The following SLC12A7 variants were observed in gnomAD, a reference collection of about 807,000 sequenced individuals.
SLC12A7 encodes the protein solute carrier family 12 member 7.
A neutral mutation model predicts 120.6 loss-of-function variants in SLC12A7; 100 were observed. The ratio of observed to expected loss-of-function variants is 0.83; its 90% CI spans 0.71 to 0.98. SLC12A7 has a LOEUF of 0.98. Among genes scored for constraint, SLC12A7 ranks in the 50% least tolerant of loss-of-function variants. SLC12A7 has a pLI of 0.00. For synonymous variants in SLC12A7, 760 were observed against 678.0 expected, an observed-to-expected ratio of 1.12 and a Z score of -1.88; for missense variants, 1,373 against 1,548.1, an observed-to-expected ratio of 0.89 and a Z score of 1.90.
At chr5:1,075,908 C>T in intron 14 of SLC12A7, 1 of 539,894 alleles carries the variant, frequency 1.9e-6, no homozygotes, top group Non-Finnish European at 3.3e-6. Flanking sequence ...TCCTCGTAAC[C>T]AGAGGCCTTC....
chr5:1,074,750 G>A (rs1050438657), intron 15 of SLC12A7, 79 bp from the exon 16 acceptor site: 7 of 1,373,772 alleles, frequency 5.1e-6, no homozygotes, highest in Non-Finnish European at 7.1e-6. Flanking sequence ...GACTTCTGGG[G>A]GCAGGTGAGT....
At chr5:1,065,929 G>A (rs960379401) in intron 17 of SLC12A7, among the ~76,000 whole-genome samples, 32 of 152,240 alleles carry the variant, frequency 2.1e-4, no homozygotes, top group African/African-American at 7.7e-4. Flanking sequence ...ACGGCGGGGG[G>A]CGGGGGTGGG....
At chr5:1,123,871 T>G in the SLC12A7 span, among the ~76,000 whole-genome samples, 2 of 152,222 alleles carry the variant, frequency 1.3e-5, no homozygotes, top group Non-Finnish European at 2.9e-5. Flanking sequence ...GGAAACATGT[T>G]TGAGTAACAG....
At chr5:1,058,260 G>C (rs1051881878) in intron 21 of SLC12A7, among the ~76,000 whole-genome samples, 1 of 152,258 alleles carries the variant, frequency 6.6e-6, no homozygotes, top group Admixed American at 6.5e-5. Flanking sequence ...AAGGGGAAGT[G>C]GCGCCCTCAC....
chr5:1,107,964 G>A lies in SLC12A7; in HGVS notation c.124+3904C>T, dbSNP rs1019190549. ...ACGGATACCCAACACCCAACACCGC[G>A]TGACCCTCTGCTGTGGAGGAAGCCC... On this transcript the variant is annotated intron_variant, in intron 1 of 23. Coordinates refer to ENST00000264930, the MANE Select transcript of SLC12A7 (RefSeq NM_006598.3). 3.7e-4 allele frequency among the ~76,000 whole-genome samples: 57 copies of A among 152,050 alleles called. 1 individual carries two copies. The highest frequency in any genetic ancestry group is 1.3e-3 in the African/African-American group (52 of 41,394).
intron 17 of SLC12A7, among the ~76,000 whole-genome samples, chr5:1,068,191 T>C (rs1039267939): frequency 1.3e-5 from 2 of 152,180 alleles, no homozygotes; most frequent in Non-Finnish European, 2.9e-5. Flanking sequence ...TCCCAGCACT[T>C]TGGGAGGCCG....
intron 13 of SLC12A7, 61 bp from the exon 14 acceptor site, chr5:1,076,297 G>T: frequency 7.2e-7 from 1 of 1,387,698 alleles, no homozygotes; most frequent in Non-Finnish European, 9.9e-7. Context: ...CCCAGTCACT[G>T]CCACCTGGGA....
chr5:1,066,498 G>A (rs1000504894), intron 17 of SLC12A7, among the ~76,000 whole-genome samples: 2 of 152,322 alleles, frequency 1.3e-5, no homozygotes, highest in African/African-American at 4.8e-5. Flanking sequence ...TTTTAGGGCC[G>A]AGAGCTCAAT....
chr5:1,061,978 G>A (rs577913122), intron 20 of SLC12A7, among the ~76,000 whole-genome samples: 1 of 152,280 alleles, frequency 6.6e-6, no homozygotes, highest in Non-Finnish European at 1.5e-5. Context: ...CTGAATGGCA[G>A]CGACCCAGAC....
At chr5:1,068,451 T>G (rs1737287790) in intron 17 of SLC12A7, among the ~76,000 whole-genome samples, 1 of 152,076 alleles carries the variant, frequency 6.6e-6, no homozygotes, top group African/African-American at 2.4e-5. Context: ...AAATAAAAAT[T>G]AAAAAACAAA....
the SLC12A7 span, among the ~76,000 whole-genome samples, chr5:1,153,730 C>T: frequency 7.9e-5 from 12 of 152,230 alleles, no homozygotes; most frequent in African/African-American, 2.2e-4. Context: ...AACCGGCGAC[C>T]TGCAGAATCA....
chr5:1,062,490 C>A (rs1232718220), intron 20 of SLC12A7, among the ~76,000 whole-genome samples: 5 of 152,202 alleles, frequency 3.3e-5, no homozygotes, highest in African/African-American at 1.2e-4. Context: ...AGGCCTGCAG[C>A]CCTCGGCCTA....
chr5:1,112,169 C>T, upstream of SLC12A7: 1 of 677,474 alleles, frequency 1.5e-6, no homozygotes, highest in Non-Finnish European at 2.0e-6. Flanking sequence ...CGGCGACTTC[C>T]TGCAGGGACC....
chr5:1,112,241 G>T (rs1194520250), upstream of SLC12A7, among the ~76,000 whole-genome samples: 2 of 151,578 alleles, frequency 1.3e-5, no homozygotes, highest in African/African-American at 2.4e-5. Context: ...CGCTGCCTGC[G>T]CTCCCGACCA....
In SLC12A7 at chr5:1,094,458, C is replaced by T. The variant is rs566967210; in HGVS notation, c.125-210G>A. Among the ~76,000 whole-genome samples the T allele has an allele frequency of 6.0e-4, 91 of 152,298 alleles. 1 individual carries two copies. The South Asian group carries it at 0.019, about 31-fold the overall frequency. On this transcript the variant is annotated intron_variant, in intron 1 of 23. Transcript: ENST00000264930. ...CATTTCCCAGGGTGCACGCTAGTCC[C>T]AGGACACATGCTAGCCCCAATGCGC...
chr5:1,102,135 G>T (rs529476825), intron 1 of SLC12A7, among the ~76,000 whole-genome samples: 3 of 152,200 alleles, frequency 2.0e-5, no homozygotes, highest in Non-Finnish European at 4.4e-5. Flanking sequence ...TCCCCACCCC[G>T]AGAGGGAAGG....
chr5:1,142,598 CTGTT>C, the SLC12A7 span, among the ~76,000 whole-genome samples: 1 of 144,602 alleles, frequency 6.9e-6, no homozygotes, highest in South Asian at 2.4e-4. Context: ...CTGTCTCTGT[CTGTT>C]TTTCTGTCTC....
chr5:1,124,888 A>G, the SLC12A7 span, among the ~76,000 whole-genome samples: 1 of 152,132 alleles, frequency 6.6e-6, no homozygotes, highest in East Asian at 1.9e-4. Context: ...CAAATCTCAC[A>G]CCCTGATGAC....
Position 1,080,613 on chromosome 5 carries a change from G to A in SLC12A7, c.1297+964C>T, listed in dbSNP as rs984707951. ...CAAGCAGCCAGCGCCTGTCAGGGGCGTCCCGACAAGAAGGCCGAGTGGAGA... is the reference window on the plus strand; with the variant it reads ...CAAGCAGCCAGCGCCTGTCAGGGGCATCCCGACAAGAAGGCCGAGTGGAGA... On this transcript the variant is annotated intron_variant, in intron 9 of 23. Transcript: ENST00000264930. 3.9e-5 allele frequency among the ~76,000 whole-genome samples: 6 copies of A among 152,348 alleles called. No homozygotes were observed. In the East Asian group the frequency reaches 1.2e-3, roughly 29 times the overall value.
Sources: allele counts gnomAD v4.1 joint callset (sites outside exome capture counted in the v4.1 genomes callset), GRCh38; gene constraint gnomAD v4.1.1; transcripts MANE v1.5; gene names NCBI Gene and HGNC (gene_info 2026-07-23, HGNC 2026-07-21).